The following ATP8A2 variants were observed in gnomAD, a reference collection of about 807,000 sequenced individuals.
ATP8A2 encodes the protein ATPase phospholipid transporting 8A2.
ATP8A2 carries 100 observed loss-of-function variants against 165.6 expected under a neutral mutation model. That is an observed-to-expected ratio of 0.60 (90% confidence interval 0.51 to 0.71). ATP8A2 has a LOEUF of 0.71. Among genes scored for constraint, ATP8A2 ranks in the 30% least tolerant of loss-of-function variants. The probability of loss-of-function intolerance (pLI) is 0.00; values close to 1 mark genes in which losing one functional copy is unlikely to be tolerated. For missense variants in ATP8A2, 1,227 were observed against 1,479.5 expected (o/e 0.83, Z 2.80); for synonymous variants, 543 against 548.8 (o/e 0.99, Z 0.15).
intron 1 of ATP8A2, among the ~76,000 whole-genome samples, chr13:25,431,882 A>G (rs1566127865): frequency 6.6e-6 from 1 of 152,148 alleles, no homozygotes; most frequent in Non-Finnish European, 1.5e-5. Flanking sequence ...ACCTGTTAAC[A>G]GTCACTCCCC....
intron 24 of ATP8A2, among the ~76,000 whole-genome samples, chr13:25,655,866 G>A (rs1259415704): frequency 6.6e-6 from 1 of 152,296 alleles, no homozygotes; most frequent in Non-Finnish European, 1.5e-5. Flanking sequence ...TGTGGTTTTA[G>A]AAATATTCGT....
intron 35 of ATP8A2, among the ~76,000 whole-genome samples, chr13:26,009,271 A>G (rs1164527638): frequency 2.6e-5 from 4 of 152,336 alleles, no homozygotes; most frequent in African/African-American, 9.6e-5. Flanking sequence ...CTGTCCCTTC[A>G]TGATGACACC....
rs2035112418 is a variant in ATP8A2 at position 25,447,873 on chromosome 13, G to A, written c.77-21104G>A. 1.3e-5 allele frequency among the ~76,000 whole-genome samples: 2 copies of A among 152,174 alleles called. 1 individual carries two copies. The highest frequency in any genetic ancestry group is 4.1e-4 in the South Asian group (2 of 4,824). ...GGAGTGGGAAGATAATTTTCCTCTGGAGAGGGAGGAAGTCCTCTCAGACTA... is the reference window on the plus strand; with the variant it reads ...GGAGTGGGAAGATAATTTTCCTCTGAAGAGGGAGGAAGTCCTCTCAGACTA... On this transcript the variant is annotated intron_variant, in intron 1 of 36. Coordinates refer to ENST00000381655, the MANE Select transcript of ATP8A2 (RefSeq NM_016529.6).
chr13:25,756,156 A>G (rs1030092225), intron 25 of ATP8A2, among the ~76,000 whole-genome samples: 3 of 152,152 alleles, frequency 2.0e-5, no homozygotes, highest in Admixed American at 2.0e-4. Context: ...GATAGCATGC[A>G]GCAGCAGCTC....
At chr13:25,694,650 T>C (rs2042797772) in intron 24 of ATP8A2, among the ~76,000 whole-genome samples, 1 of 152,200 alleles carries the variant, frequency 6.6e-6, no homozygotes, top group South Asian at 2.1e-4. Flanking sequence ...TTGTTTGAGA[T>C]TCAGAATTAC....
intron 27 of ATP8A2, among the ~76,000 whole-genome samples, chr13:25,783,655 G>C (rs997308102): frequency 2.6e-5 from 4 of 152,144 alleles, no homozygotes; most frequent in African/African-American, 9.7e-5. Flanking sequence ...AGACCTGAAG[G>C]ATGAGTAGCA....
chr13:25,451,126 A>G (rs1424821046), intron 1 of ATP8A2, among the ~76,000 whole-genome samples: 1 of 152,000 alleles, frequency 6.6e-6, no homozygotes, highest in Non-Finnish European at 1.5e-5. Flanking sequence ...TAGGTCACCG[A>G]TGCTCTGTTA....
At chr13:25,458,619 C>T in intron 1 of ATP8A2, among the ~76,000 whole-genome samples, 1 of 152,162 alleles carries the variant, frequency 6.6e-6, no homozygotes, top group East Asian at 1.9e-4. Context: ...AAAACACTTG[C>T]CTGTTTTTGA....
chr13:25,804,527 C>A (rs528241195), intron 27 of ATP8A2, among the ~76,000 whole-genome samples: 14 of 152,154 alleles, frequency 9.2e-5, no homozygotes, highest in African/African-American at 2.7e-4. Flanking sequence ...TGTTTCTACA[C>A]GTACAGGACT....
chr13:25,762,493 A>G (rs2044402989), intron 25 of ATP8A2, among the ~76,000 whole-genome samples: 1 of 152,014 alleles, frequency 6.6e-6, no homozygotes, highest in Admixed American at 6.6e-5. Context: ...TATTCCTTTC[A>G]TCCTCTCCAT....
chr13:25,754,262 C>A (rs953372942), intron 25 of ATP8A2, among the ~76,000 whole-genome samples: 1 of 3,488 alleles, frequency 2.9e-4, no homozygotes, highest in Non-Finnish European at 0.014. Context: ...AGAAAACTGA[C>A]GAAGAAGAAC....
At chr13:25,423,516 C>T (rs1452444565) in intron 1 of ATP8A2, among the ~76,000 whole-genome samples, 1 of 152,072 alleles carries the variant, frequency 6.6e-6, no homozygotes, top group East Asian at 1.9e-4. Context: ...TTTTGTAGTA[C>T]ACTTCCATGT....
At chr13:25,906,013 G>GT (rs1351094566) in intron 33 of ATP8A2, among the ~76,000 whole-genome samples, 1 of 152,000 alleles carries the variant, frequency 6.6e-6, no homozygotes, top group Admixed American at 6.6e-5. Flanking sequence ...TCTCTCTGCA[G>GT]TTTTTTTTCT....
rs577061316 is a variant in ATP8A2 at position 25,475,113 on chromosome 13, G to T, written c.221+5992G>T. 2.0e-5 allele frequency among the ~76,000 whole-genome samples: 3 copies of T among 152,168 alleles called. No individual in the cohort carries two copies. The South Asian group carries it at 6.2e-4, about 32-fold the overall frequency. ...GGGATTACAGGTGTGGCTCACACCT[G>T]TAATAGGCCACTGTGCCCGGCCTCA... On this transcript the variant is annotated intron_variant, in intron 2 of 36. Coordinates refer to ENST00000381655, the MANE Select transcript of ATP8A2 (RefSeq NM_016529.6).
intron 28 of ATP8A2, among the ~76,000 whole-genome samples, chr13:25,829,720 A>ATG (rs1951416442): frequency 5.8e-5 from 6 of 103,562 alleles, no homozygotes; most frequent in Admixed American, 5.2e-4. Flanking sequence ...ATATATATAT[A>ATG]TCACCTGCTT....
At chr13:25,848,966 C>T (rs1032776183) in intron 30 of ATP8A2, among the ~76,000 whole-genome samples, 9 of 151,424 alleles carry the variant, frequency 5.9e-5, no homozygotes, top group East Asian at 5.8e-4. Context: ...GGATGGGGTG[C>T]GCTTCCTCTG....
At chr13:25,548,533 A>C (rs1320958739) in intron 10 of ATP8A2, among the ~76,000 whole-genome samples, 1 of 152,102 alleles carries the variant, frequency 6.6e-6, no homozygotes, top group African/African-American at 2.4e-5. Context: ...GAATGATGAG[A>C]TCTTGCTTAG....
At chr13:25,510,951 GC>G (rs1218993471) in intron 2 of ATP8A2, among the ~76,000 whole-genome samples, 1 of 152,110 alleles carries the variant, frequency 6.6e-6, no homozygotes, top group Non-Finnish European at 1.5e-5. Context: ...ATAATCTCCT[GC>G]CCTCTCTCCC....
intron 2 of ATP8A2, among the ~76,000 whole-genome samples, chr13:25,492,995 G>A (rs1004495674): frequency 1.3e-5 from 2 of 152,124 alleles, no homozygotes; most frequent in African/African-American, 4.8e-5. Flanking sequence ...TTCTCCATAG[G>A]CTCCAAAATT....
Sources: gnomAD v4.1 joint callset for allele counts (sites outside exome capture counted in the v4.1 genomes callset) on GRCh38, gnomAD v4.1.1 for gene constraint, MANE v1.5 for transcripts, NCBI Gene and HGNC (gene_info 2026-07-23, HGNC 2026-07-21) for gene names.